IGF1R: variants seen among roughly 807,000 people sequenced by gnomAD.
The protein encoded by IGF1R is insulin-like growth factor 1 receptor.
A neutral mutation model predicts 144.6 loss-of-function variants in IGF1R; 44 were observed. The ratio of observed to expected loss-of-function variants is 0.30; its 90% confidence interval spans 0.24 to 0.39. The LOEUF (loss-of-function observed/expected upper bound fraction) is 0.39. Among genes scored for constraint, IGF1R ranks in the 10% least tolerant of loss-of-function variants. IGF1R has a pLI of 1.00. For missense variants in IGF1R, 1,355 were observed against 1,833.7 expected (o/e 0.74, Z 4.77); for synonymous variants, 795 against 722.8 (o/e 1.10, Z -1.60).
At chr15:98,760,494 C>T (rs912932819) in intron 2 of IGF1R, among the ~76,000 whole-genome samples, 22 of 152,308 alleles carry the variant, frequency 1.4e-4, no homozygotes, top group African/African-American at 4.3e-4. Context: ...ATTTTTATAA[C>T]GATAGCTGTA....
At chr15:98,818,810 G>A (rs902520301) in intron 2 of IGF1R, among the ~76,000 whole-genome samples, 2 of 146,840 alleles carry the variant, frequency 1.4e-5, no homozygotes, top group African/African-American at 5.0e-5. Context: ...CCTGGGATTA[G>A]GGGGTGGGGA....
chr15:98,962,031 C>G lies in IGF1R; in HGVS notation c.*4589C>G, dbSNP rs1213753009. On this transcript the variant is annotated 3_prime_UTR_variant, in exon 21 of 21. Coordinates refer to ENST00000650285, the MANE Select transcript of IGF1R (RefSeq NM_000875.5). ...CTATTCTCTGGCACCAGATTCTAGGCCAGTTTGTTCCACTGAAGCTTTTCC... is the reference window on the plus strand; with the variant it reads ...CTATTCTCTGGCACCAGATTCTAGGGCAGTTTGTTCCACTGAAGCTTTTCC... 3 of 233,238 alleles carry G rather than the reference C, an allele frequency of 1.3e-5. No individual in the cohort carries two copies. Among genetic ancestry groups the G allele is most frequent in the African/African-American group, 6.6e-5 (3 of 45,350 alleles). The allele number at this position is 233,238 out of a possible 1,614,324, so 14.4% of individuals were successfully genotyped here.
At chr15:98,858,627 G>C (rs905092202) in intron 2 of IGF1R, among the ~76,000 whole-genome samples, 16 of 152,164 alleles carry the variant, frequency 1.1e-4, no homozygotes, top group African/African-American at 3.4e-4. Context: ...AGAACTCTGG[G>C]CTTCGGAGGC....
intron 3 of IGF1R, 113 bp from the exon 4 acceptor site, chr15:98,896,644 T>C (rs2151651581): frequency 8.6e-7 from 1 of 1,158,412 alleles, no homozygotes. Flanking sequence ...AAACAGTTGC[T>C]TTTTCTAATG....
intron 2 of IGF1R, among the ~76,000 whole-genome samples, chr15:98,772,476 AATTATTATT>A (rs147636909): frequency 0.028 from 1,753 of 62,520 alleles, 43 homozygotes; most frequent in African/African-American, 0.066. Context: ...GTCACTTAAA[AATTATTATT>A]ATTATTATTA....
At chr15:98,828,001 T>G (rs1265709132) in intron 2 of IGF1R, among the ~76,000 whole-genome samples, 1 of 152,184 alleles carries the variant, frequency 6.6e-6, no homozygotes, top group African/African-American at 2.4e-5. Flanking sequence ...AGTGAGTTCC[T>G]ATTGGTAGTA....
At chr15:98,847,851 A>G (rs1168190890) in intron 2 of IGF1R, among the ~76,000 whole-genome samples, 1 of 152,228 alleles carries the variant, frequency 6.6e-6, no homozygotes, top group Admixed American at 6.5e-5. Flanking sequence ...CACCAATGAA[A>G]GGAAGAGAGG....
chr15:98,898,518 C>G (rs1428691343), intron 4 of IGF1R, among the ~76,000 whole-genome samples: 1 of 152,246 alleles, frequency 6.6e-6, no homozygotes, highest in African/African-American at 2.4e-5. Flanking sequence ...CAACTGCACG[C>G]AACCTCTCAT....
intron 5 of IGF1R, 61 bp downstream of exon 5, chr15:98,899,682 A>C: frequency 1.3e-6 from 2 of 1,543,390 alleles, no homozygotes; most frequent in Non-Finnish European, 1.8e-6. Context: ...GTGCTTATGA[A>C]ACTGTGTTGC....
chr15:98,954,443 C>G (rs1004890505), intron 20 of IGF1R: 1 of 152,030 alleles, frequency 6.6e-6, no homozygotes, highest in Non-Finnish European at 1.5e-5. Context: ...GTTTTATCAG[C>G]TCACACATCC....
chr15:98,651,081 G>A, intron 1 of IGF1R: 1 of 985,066 alleles, frequency 1.0e-6, no homozygotes, highest in South Asian at 4.7e-5. Flanking sequence ...AGGGCGTGTT[G>A]GTGAGTAATG....
At chr15:98,860,006 C>T (rs2012058027) in intron 2 of IGF1R, among the ~76,000 whole-genome samples, 1 of 152,148 alleles carries the variant, frequency 6.6e-6, no homozygotes, top group Non-Finnish European at 1.5e-5. Flanking sequence ...ACCTTCACCT[C>T]CCGGGTTCAA....
At chr15:98,778,995 G>A (rs1265498443) in intron 2 of IGF1R, among the ~76,000 whole-genome samples, 1 of 152,162 alleles carries the variant, frequency 6.6e-6, no homozygotes, top group African/African-American at 2.4e-5. Context: ...TAAGTACTCT[G>A]GGAGTGCATA....
intron 5 of IGF1R, among the ~76,000 whole-genome samples, chr15:98,901,326 T>C (rs952406262): frequency 6.6e-6 from 1 of 152,202 alleles, no homozygotes; most frequent in African/African-American, 2.4e-5. Context: ...CAGCCTTTCA[T>C]TCCTGCGTGC....
At position 98,866,277 on chromosome 15, in the gene IGF1R, C is replaced by T. The variant is rs142103588; in HGVS notation, c.641-25048C>T. ...CAGATGCACGTACTCTCTTCACTTC[C>T]GTGTACCCAGTAAATGCAGATCCTG... On this transcript the variant is annotated intron_variant, in intron 2 of 20. Transcript: ENST00000650285. Among the ~76,000 whole-genome samples the T allele has an allele frequency of 2.0e-4, 30 of 152,284 alleles. No individual in the cohort carries two copies. In the East Asian group the frequency reaches 5.8e-3, roughly 29 times the overall value.
At chr15:98,854,538 AG>A (rs1001313205) in intron 2 of IGF1R, among the ~76,000 whole-genome samples, 2 of 152,172 alleles carry the variant, frequency 1.3e-5, no homozygotes, top group Admixed American at 1.3e-4. Context: ...TCAGGGTGGC[AG>A]GGTGAATTCA....
At chr15:98,906,053 C>T (rs190426635) in intron 5 of IGF1R, among the ~76,000 whole-genome samples, 2 of 152,308 alleles carry the variant, frequency 1.3e-5, no homozygotes, top group Non-Finnish European at 2.9e-5. Context: ...TATCCTGGCT[C>T]CCAGCCTCTT....
intron 2 of IGF1R, among the ~76,000 whole-genome samples, chr15:98,801,894 AC>A (rs1161301150): frequency 1.3e-5 from 2 of 152,092 alleles, no homozygotes; most frequent in African/African-American, 2.4e-5. Flanking sequence ...TGAGCATCTT[AC>A]TTTTGCTGTC....
At chr15:98,678,004 C>G (rs558344432) in intron 1 of IGF1R, among the ~76,000 whole-genome samples, 3 of 152,284 alleles carry the variant, frequency 2.0e-5, no homozygotes, top group South Asian at 2.1e-4. Flanking sequence ...CTCTGTTTCT[C>G]AATGTGTAAG....
Sources: allele counts gnomAD v4.1 joint callset (sites outside exome capture counted in the v4.1 genomes callset), GRCh38; gene constraint gnomAD v4.1.1; transcripts MANE v1.5; gene names NCBI Gene and HGNC (gene_info 2026-07-23, HGNC 2026-07-21).